Variants in FRMD4B observed in about 807,000 individuals in gnomAD.
The protein encoded by FRMD4B is FERM domain containing 4B, also known as FERM domain-containing protein 4B.
In FRMD4B, 74 loss-of-function variants were observed where a neutral mutation model predicts 141.5. That is an observed-to-expected ratio of 0.52 (90% CI 0.43 to 0.63). The LOEUF (loss-of-function observed/expected upper bound fraction) is 0.63. Ranked by LOEUF, FRMD4B falls within the 30% of genes least tolerant of loss-of-function variation. The probability of loss-of-function intolerance (pLI) is 0.00; values close to 1 mark genes in which losing one functional copy is unlikely to be tolerated. For missense variants in FRMD4B, 1,366 were observed against 1,253.4 expected, an observed-to-expected ratio of 1.09 and a Z score of -1.36; for synonymous variants, 506 against 467.9, an observed-to-expected ratio of 1.08 and a Z score of -1.05.
intron 1 of FRMD4B, chr3:69,472,298 C>A: frequency 2.4e-6 from 1 of 419,412 alleles, no homozygotes; most frequent in Non-Finnish European, 4.7e-6. Context: ...ACATTCTCTG[C>A]AACTTTTTTT....
intron 13 of FRMD4B, 88 bp from the exon 14 acceptor site, chr3:69,196,484 AAC>A (rs1340064765): frequency 3.0e-6 from 3 of 1,008,674 alleles, no homozygotes; most frequent in African/African-American, 1.6e-5. Context: ...TAAAAATAGC[AAC>A]ACAGAGGATA....
intron 4 of FRMD4B, among the ~76,000 whole-genome samples, chr3:69,297,786 C>G (rs909498786): frequency 6.6e-6 from 1 of 152,074 alleles, no homozygotes; most frequent in Non-Finnish European, 1.5e-5. Context: ...CCCCCAGAAA[C>G]CTGGGGGAGT....
chr3:69,357,731 T>G lies in FRMD4B; in HGVS notation c.162+28097A>C, dbSNP rs867140109. On this transcript the variant is annotated intron_variant, in intron 1 of 22. Transcript: ENST00000398540. ...CACCATAAAATCACAACAGAGGCAA[T>G]GTATTGCAGTTTTCCAAAATTCTGA... is the stretch of plus-strand genomic sequence containing the variant. Among the ~76,000 whole-genome samples, 3 of 152,304 alleles carry G rather than the reference T, an allele frequency of 2.0e-5. No homozygotes were observed. In the South Asian group the frequency reaches 6.2e-4, roughly 32 times the overall value.
chr3:69,194,123 G>A (rs889888162), intron 16 of FRMD4B, among the ~76,000 whole-genome samples: 5 of 152,222 alleles, frequency 3.3e-5, no homozygotes, highest in Non-Finnish European at 7.3e-5. Context: ...TCAGTTGGTT[G>A]GGAGAAGATC....
At chr3:69,479,712 T>C (rs1233406315) in intron 1 of FRMD4B, among the ~76,000 whole-genome samples, 2 of 152,200 alleles carry the variant, frequency 1.3e-5, no homozygotes, top group African/African-American at 4.8e-5. Flanking sequence ...AAAGAGTATT[T>C]TTGTGGTGTT....
chr3:69,515,575 C>G (rs1272221999), intron 1 of FRMD4B, among the ~76,000 whole-genome samples: 1 of 152,110 alleles, frequency 6.6e-6, no homozygotes, highest in Non-Finnish European at 1.5e-5. Flanking sequence ...ACTGTTGCAG[C>G]TTTGGCCATT....
chr3:69,353,977 C>A (rs1376399200), intron 1 of FRMD4B, among the ~76,000 whole-genome samples: 1 of 152,114 alleles, frequency 6.6e-6, no homozygotes, highest in South Asian at 2.1e-4. Flanking sequence ...CAGAGATAGG[C>A]GATGCCATGT....
chr3:69,509,761 T>A (rs1223641881), intron 1 of FRMD4B, among the ~76,000 whole-genome samples: 2 of 152,004 alleles, frequency 1.3e-5, no homozygotes, highest in Non-Finnish European at 2.9e-5. Context: ...CAACCCTATA[T>A]CAAGCAAATC....
chr3:69,362,678 AAAC>A (rs1291638828), intron 1 of FRMD4B, among the ~76,000 whole-genome samples: 3 of 147,648 alleles, frequency 2.0e-5, no homozygotes, highest in Non-Finnish European at 3.0e-5. Flanking sequence ...CTCCATCTCA[AAAC>A]AACAACAACA....
intron 5 of FRMD4B, among the ~76,000 whole-genome samples, chr3:69,270,533 G>A (rs1209345901): frequency 6.6e-6 from 1 of 151,982 alleles, no homozygotes; most frequent in Non-Finnish European, 1.5e-5. Context: ...GTGTCTTTAA[G>A]GAGATCAACC....
chr3:69,246,012 T>C (rs534273558), intron 7 of FRMD4B, among the ~76,000 whole-genome samples: 103 of 152,040 alleles, frequency 6.8e-4, no homozygotes, highest in African/African-American at 2.2e-3. Flanking sequence ...TAATTTTGTA[T>C]TTTTAGTAGA....
intron 4 of FRMD4B, among the ~76,000 whole-genome samples, chr3:69,289,633 A>G (rs1439528732): frequency 6.6e-6 from 1 of 152,086 alleles, no homozygotes; most frequent in Admixed American, 6.5e-5. Flanking sequence ...GTCTCTTACT[A>G]AAAATACAAA....
intron 16 of FRMD4B, 88 bp from the exon 17 acceptor site, chr3:69,193,961 T>C (rs979800632): frequency 2.6e-6 from 2 of 781,308 alleles, no homozygotes; most frequent in Non-Finnish European, 4.1e-6. Context: ...CTGTGCACTT[T>C]CTTGAATCAG....
At chr3:69,205,691 T>TA (rs2093017825) in intron 11 of FRMD4B, among the ~76,000 whole-genome samples, 1 of 152,162 alleles carries the variant, frequency 6.6e-6, no homozygotes, top group Admixed American at 6.5e-5. Context: ...GCCAACATCT[T>TA]ACAGTGCACA....
At chr3:69,431,859 C>T (rs1705185250) in intron 2 of FRMD4B, among the ~76,000 whole-genome samples, 2 of 152,226 alleles carry the variant, frequency 1.3e-5, no homozygotes, top group African/African-American at 4.8e-5. Flanking sequence ...ACATTTTACT[C>T]ACGTGCAGTT....
intron 1 of FRMD4B, among the ~76,000 whole-genome samples, chr3:69,514,604 C>T (rs2107110226): frequency 6.6e-6 from 1 of 152,140 alleles, no homozygotes; most frequent in East Asian, 1.9e-4. Flanking sequence ...AGGAGAATCA[C>T]TTAAACCTGG....
chr3:69,254,486 G>A (rs2093481072), intron 5 of FRMD4B, among the ~76,000 whole-genome samples: 7 of 152,256 alleles, frequency 4.6e-5, no homozygotes, highest in Admixed American at 4.6e-4. Context: ...CCTCTCCATA[G>A]ATTACTTATT....
At chr3:69,528,042 T>C (rs1371318675) in intron 1 of FRMD4B, among the ~76,000 whole-genome samples, 2 of 152,188 alleles carry the variant, frequency 1.3e-5, no homozygotes, top group Non-Finnish European at 2.9e-5. Context: ...TCTTTACTTA[T>C]ACAAGAAGAT....
intron 1 of FRMD4B, among the ~76,000 whole-genome samples, chr3:69,351,241 T>C (rs1451607353): frequency 6.6e-6 from 1 of 152,180 alleles, no homozygotes; most frequent in Non-Finnish European, 1.5e-5. Flanking sequence ...TTTAGGAAAA[T>C]ATTGCATTTA....
Sources: gnomAD v4.1 joint callset for allele counts (sites outside exome capture counted in the v4.1 genomes callset) on GRCh38, gnomAD v4.1.1 for gene constraint, MANE v1.5 for transcripts, NCBI Gene and HGNC (gene_info 2026-07-23, HGNC 2026-07-21) for gene names.